The following MAN1C1 variants were observed in gnomAD, a reference collection of about 807,000 sequenced individuals.
MAN1C1 encodes the protein mannosidase alpha class 1C member 1.
In MAN1C1, 49 loss-of-function variants were observed where a neutral mutation model predicts 71.5. The ratio of observed to expected loss-of-function variants is 0.69; its 90% CI spans 0.54 to 0.87. MAN1C1 has a LOEUF of 0.87. Ranked by LOEUF, MAN1C1 falls within the 40% of genes least tolerant of loss-of-function variation. MAN1C1 has a pLI of 0.00. For synonymous variants in MAN1C1, 352 were observed against 343.7 expected (o/e 1.02, Z -0.27); for missense variants, 743 against 835.0 (o/e 0.89, Z 1.36).
intron 1 of MAN1C1, among the ~76,000 whole-genome samples, chr1:25,620,932 C>T (rs1215821368): frequency 2.6e-5 from 4 of 152,220 alleles, no homozygotes; most frequent in Non-Finnish European, 4.4e-5. Flanking sequence ...CTAGAACCAA[C>T]TGTTTTTCCT....
At chr1:25,649,857 G>A (rs2045667587) in intron 1 of MAN1C1, among the ~76,000 whole-genome samples, 1 of 152,132 alleles carries the variant, frequency 6.6e-6, no homozygotes, top group South Asian at 2.1e-4. Flanking sequence ...AGGCTGGTCT[G>A]GAACTCCTGG....
intron 2 of MAN1C1, among the ~76,000 whole-genome samples, chr1:25,693,939 A>G (rs568320208): frequency 1.3e-5 from 2 of 152,376 alleles, no homozygotes; most frequent in Non-Finnish European, 2.9e-5. Flanking sequence ...CCTGGTGTAT[A>G]GTACCTGCCC....
chr1:25,747,135 G>A (rs1017514965), intron 3 of MAN1C1, among the ~76,000 whole-genome samples: 100 of 152,342 alleles, frequency 6.6e-4, no homozygotes, highest in African/African-American at 2.0e-3. Flanking sequence ...TGCAGCAAGT[G>A]GGGAATGGCT....
chr1:25,630,011 C>G (rs2045355674), intron 1 of MAN1C1, among the ~76,000 whole-genome samples: 1 of 151,856 alleles, frequency 6.6e-6, no homozygotes, highest in African/African-American at 2.4e-5. Flanking sequence ...CTTTAGAATT[C>G]TTATGGTTTC....
At chr1:25,625,689 T>C (rs2045283942) in intron 1 of MAN1C1, among the ~76,000 whole-genome samples, 1 of 152,070 alleles carries the variant, frequency 6.6e-6, no homozygotes, top group Non-Finnish European at 1.5e-5. Flanking sequence ...GGCGTGGTAG[T>C]GTACACCTGT....
intron 8 of MAN1C1, 70 bp downstream of exon 8, chr1:25,771,842 G>A (rs807264): frequency 0.82 from 1,042,922 of 1,271,300 alleles, 429,567 homozygotes; most frequent in East Asian, 0.98. Context: ...GCCGAGCGAG[G>A]GTGCTGCGGG....
Position 25,782,040 on chromosome 1 carries a change from G to A in MAN1C1, c.1651-545G>A, listed in dbSNP as rs775443654. Among the ~76,000 whole-genome samples the A allele has an allele frequency of 6.6e-5, 10 of 151,982 alleles. No homozygotes were observed. Among genetic ancestry groups the A allele is most frequent in the African/African-American group, 1.2e-4 (5 of 41,350 alleles). On this transcript the variant is annotated intron_variant, in intron 10 of 11. Transcript: ENST00000374332. The surrounding 1 kb of genome is among the most constrained non-coding windows in gnomAD (Gnocchi z 4.4). The stretch of plus-strand genomic sequence containing the variant: ...TGAAGCTGCAGAGTGAGCTCTGATC[G>A]CCCCACTGCCCTCCAGCCTGGGCGA...
intron 5 of MAN1C1, among the ~76,000 whole-genome samples, chr1:25,757,409 C>T (rs2047300894): frequency 6.6e-6 from 1 of 152,204 alleles, no homozygotes; most frequent in African/African-American, 2.4e-5. Flanking sequence ...CACCTCTGTC[C>T]ACCACAGCCT....
At position 25,735,778 on chromosome 1, in the gene MAN1C1, A is replaced by C. The variant is rs979937925; in HGVS notation, c.638-10890A>C. Among the ~76,000 whole-genome samples, 6 of 152,126 alleles carry C rather than the reference A, an allele frequency of 3.9e-5. No individual in the cohort carries two copies. The highest frequency in any genetic ancestry group is 2.1e-4 in the South Asian group (1 of 4,826). ...TGGCCATTTGAGGTTCATTCTTCTC[A>C]TGGTGAAGGGTGGGAGCCTAACGGA... On this transcript the variant is annotated intron_variant, in intron 2 of 11. Coordinates refer to ENST00000374332, the MANE Select transcript of MAN1C1 (RefSeq NM_020379.4). This position sits in a 1 kb window ranked among gnomAD's most constrained non-coding sequence, Gnocchi z 4.6.
intron 1 of MAN1C1, among the ~76,000 whole-genome samples, chr1:25,636,389 C>G (rs1158475012): frequency 6.6e-6 from 1 of 152,126 alleles, no homozygotes. Context: ...GTTTATAGAC[C>G]TCCCCCCAGG....
At chr1:25,761,873 T>A (rs1248842399) in intron 6 of MAN1C1, among the ~76,000 whole-genome samples, 1 of 152,060 alleles carries the variant, frequency 6.6e-6, no homozygotes, top group Non-Finnish European at 1.5e-5. Context: ...TCTGCCCGCC[T>A]CGGCCTCCCA....
rs566396386 is a variant in MAN1C1 at position 25,648,528 on chromosome 1, G to A, written c.540+30191G>A. Among the ~76,000 whole-genome samples, 16 of 152,240 alleles carry A rather than the reference G, an allele frequency of 1.1e-4. No individual in the cohort carries two copies. The South Asian group carries it at 2.9e-3, about 28-fold the overall frequency. ...CCAGGCTCTGGTCACATATGAAATG[G>A]ATCTATTTTACCCAGCTCTGTCAAG... On this transcript the variant is annotated intron_variant, in intron 1 of 11. Transcript: ENST00000374332.
intron 1 of MAN1C1, among the ~76,000 whole-genome samples, chr1:25,656,381 A>C (rs1286346697): frequency 6.6e-6 from 1 of 152,092 alleles, no homozygotes. Context: ...TACAGGCATC[A>C]GTCACTGCGC....
At chr1:25,718,068 A>G (rs1437498766) in intron 2 of MAN1C1, among the ~76,000 whole-genome samples, 5 of 152,062 alleles carry the variant, frequency 3.3e-5, no homozygotes, top group African/African-American at 1.2e-4. Flanking sequence ...ACATCAAAAT[A>G]TTGGTTGTTC....
chr1:25,738,112 T>C (rs1009426473), intron 2 of MAN1C1, among the ~76,000 whole-genome samples: 3 of 151,612 alleles, frequency 2.0e-5, no homozygotes, highest in South Asian at 2.1e-4. Flanking sequence ...GAGCATTCTA[T>C]TGGGTTCCAG....
At chr1:25,754,873 G>C (rs1052890403) in intron 5 of MAN1C1, among the ~76,000 whole-genome samples, 1 of 152,220 alleles carries the variant, frequency 6.6e-6, no homozygotes, top group Non-Finnish European at 1.5e-5. Context: ...TGTCCGTGCC[G>C]TGTGCGCATG....
At position 25,781,583 on chromosome 1, in the gene MAN1C1, C is replaced by T. The variant is rs944333854; in HGVS notation, c.1650+471C>T. Among the ~76,000 whole-genome samples, 11 of 152,208 alleles carry T rather than the reference C, an allele frequency of 7.2e-5. No homozygotes were observed. In the East Asian group the frequency reaches 9.6e-4, roughly 13 times the overall value. On this transcript the variant is annotated intron_variant, in intron 10 of 11. Transcript: ENST00000374332. ...TGAGGCCTACCCTGCCCTCAGCCTCCGGCCCCACACCTAGGTGGAAATTTA... is the reference window on the plus strand; with the variant it reads ...TGAGGCCTACCCTGCCCTCAGCCTCTGGCCCCACACCTAGGTGGAAATTTA...
intron 2 of MAN1C1, 77 bp downstream of exon 2, chr1:25,686,613 G>A (rs1037315034): frequency 7.1e-6 from 9 of 1,263,252 alleles, no homozygotes; most frequent in Admixed American, 1.7e-5. Context: ...TTTACTTTTG[G>A]CTTTTCACCT....
rs562446165 is a variant in MAN1C1, at chr1:25,764,973, G to A, written c.1141+1006G>A. ...TGAGGCAGGAGAATCGCTTGAACCCGGGAGGCGGAGGTTGCAGTGAGCCAA... is the reference window on the plus strand; with the variant it reads ...TGAGGCAGGAGAATCGCTTGAACCCAGGAGGCGGAGGTTGCAGTGAGCCAA... On this transcript the variant is annotated intron_variant, in intron 7 of 11. Transcript: ENST00000374332. This position sits in a 1 kb window ranked among gnomAD's most constrained non-coding sequence, Gnocchi z 4.4. 6.6e-5 allele frequency among the ~76,000 whole-genome samples: 10 copies of A among 152,112 alleles called. No individual in the cohort carries two copies. Among genetic ancestry groups the A allele is most frequent in the South Asian group, 2.1e-4 (1 of 4,812 alleles).
Sources: gnomAD v4.1 joint callset for allele counts (sites outside exome capture counted in the v4.1 genomes callset) on GRCh38, gnomAD v4.1.1 for gene constraint, Gnocchi (gnomAD v3.1) non-coding constraint, MANE v1.5 for transcripts, NCBI Gene and HGNC (gene_info 2026-07-23, HGNC 2026-07-21) for gene names.